Variants in CDH12 observed in about 807,000 individuals in gnomAD.
The protein encoded by CDH12 is cadherin-12.
CDH12 carries 41 observed loss-of-function variants against 74.1 expected under a neutral mutation model. The ratio of observed to expected loss-of-function variants is 0.55; its 90% CI spans 0.43 to 0.72. The LOEUF is 0.72. Ranked by LOEUF, CDH12 falls within the 30% of genes least tolerant of loss-of-function variation. The pLI is 0.00. For synonymous variants in CDH12, 399 were observed against 355.0 expected, an observed-to-expected ratio of 1.12 and a Z score of -1.39; for missense variants, 945 against 977.2, an observed-to-expected ratio of 0.97 and a Z score of 0.44.
intron 4 of CDH12, among the ~76,000 whole-genome samples, chr5:22,192,182 C>T (rs1293520938): frequency 6.6e-6 from 1 of 152,084 alleles, no homozygotes; most frequent in African/African-American, 2.4e-5. Flanking sequence ...GATCTGCCTG[C>T]CTCGGCTTCC....
At chr5:22,081,386 C>T (rs990487949) in intron 4 of CDH12, among the ~76,000 whole-genome samples, 1 of 152,046 alleles carries the variant, frequency 6.6e-6, no homozygotes, top group Admixed American at 6.6e-5. Flanking sequence ...CTAGGGTTAA[C>T]CTCCAAGGTG....
intron 4 of CDH12, among the ~76,000 whole-genome samples, chr5:22,128,689 G>T (rs1340399433): frequency 6.6e-6 from 1 of 152,024 alleles, no homozygotes; most frequent in Non-Finnish European, 1.5e-5. Flanking sequence ...TCACACTAAA[G>T]AATTTTTCCC....
chr5:21,951,144 A>G (rs935332695), intron 6 of CDH12, among the ~76,000 whole-genome samples: 1 of 152,150 alleles, frequency 6.6e-6, no homozygotes, highest in African/African-American at 2.4e-5. Flanking sequence ...AATATTTTAC[A>G]TTCCATTGCC....
intron 3 of CDH12, among the ~76,000 whole-genome samples, chr5:22,348,890 A>G (rs891846697): frequency 6.6e-6 from 1 of 152,198 alleles, no homozygotes; most frequent in African/African-American, 2.4e-5. Context: ...AGCCTGGCAT[A>G]TAGAGCAGGC....
At chr5:22,279,028 A>T (rs1222255033) in intron 3 of CDH12, among the ~76,000 whole-genome samples, 1 of 152,166 alleles carries the variant, frequency 6.6e-6, no homozygotes, top group Non-Finnish European at 1.5e-5. Flanking sequence ...CAGGCAAAAC[A>T]TACATATATA....
intron 5 of CDH12, among the ~76,000 whole-genome samples, chr5:22,035,400 A>T (rs1187260024): frequency 6.6e-6 from 1 of 152,066 alleles, no homozygotes; most frequent in Admixed American, 6.6e-5. Context: ...ATATATATAT[A>T]TATGCATGTC....
At chr5:22,307,778 C>T (rs923496568) in intron 3 of CDH12, among the ~76,000 whole-genome samples, 6 of 150,612 alleles carry the variant, frequency 4.0e-5, no homozygotes, top group African/African-American at 1.2e-4. Flanking sequence ...TAATATGGGT[C>T]ATTTTGGCAC....
chr5:22,695,494 C>G (rs1282914596), intron 1 of CDH12, among the ~76,000 whole-genome samples: 1 of 152,070 alleles, frequency 6.6e-6, no homozygotes, highest in Non-Finnish European at 1.5e-5. Flanking sequence ...TTCAACAAAC[C>G]TGACAAAAAC....
At chr5:22,482,950 G>A (rs1229517786) in intron 2 of CDH12, among the ~76,000 whole-genome samples, 1 of 152,092 alleles carries the variant, frequency 6.6e-6, no homozygotes, top group Non-Finnish European at 1.5e-5. Flanking sequence ...ACAATGCAAT[G>A]CTTCATTTGC....
intron 1 of CDH12, among the ~76,000 whole-genome samples, chr5:22,802,149 T>C (rs1180604274): frequency 7.0e-6 from 1 of 142,750 alleles, no homozygotes; most frequent in Non-Finnish European, 1.5e-5. Context: ...TGAGACGGAG[T>C]CTCCCTCTGT....
At chr5:22,356,379 A>G (rs911585824) in intron 3 of CDH12, among the ~76,000 whole-genome samples, 3 of 152,192 alleles carry the variant, frequency 2.0e-5, no homozygotes, top group African/African-American at 7.2e-5. Context: ...CCATGTTGTC[A>G]TTTGAAAATG....
chr5:21,888,736 A>T (rs1752759042), intron 6 of CDH12, among the ~76,000 whole-genome samples: 2 of 152,092 alleles, frequency 1.3e-5, no homozygotes, highest in South Asian at 4.1e-4. Context: ...TATACTATTT[A>T]TACTATATTG....
chr5:22,705,393 T>C (rs1287388906), intron 1 of CDH12, among the ~76,000 whole-genome samples: 1 of 151,934 alleles, frequency 6.6e-6, no homozygotes, highest in African/African-American at 2.4e-5. Context: ...CTCCTGATTC[T>C]TGAGATTTTG....
At chr5:22,137,265 C>T (rs1379639002) in intron 4 of CDH12, among the ~76,000 whole-genome samples, 1 of 151,988 alleles carries the variant, frequency 6.6e-6, no homozygotes. Context: ...TCTACATGGT[C>T]CCAGGTGTGT....
At chr5:22,048,117 C>G (rs1022026128) in intron 5 of CDH12, among the ~76,000 whole-genome samples, 3 of 152,142 alleles carry the variant, frequency 2.0e-5, no homozygotes, top group African/African-American at 4.8e-5. Flanking sequence ...ATTGGTCATG[C>G]ATTGGGTACA....
chr5:22,580,038 G>T (rs192168317), intron 1 of CDH12, among the ~76,000 whole-genome samples: 2 of 152,136 alleles, frequency 1.3e-5, no homozygotes, highest in East Asian at 3.9e-4. Flanking sequence ...AACATTTAAT[G>T]ATATCACCTT....
At chr5:22,473,545 T>TATA (rs1746052031) in intron 2 of CDH12, among the ~76,000 whole-genome samples, 3 of 152,110 alleles carry the variant, frequency 2.0e-5, no homozygotes, top group Non-Finnish European at 4.4e-5. Context: ...CCCTTATGAA[T>TATA]GATGATATAG....
At chr5:22,146,748 A>G (rs1220148427) in intron 4 of CDH12, among the ~76,000 whole-genome samples, 3 of 152,168 alleles carry the variant, frequency 2.0e-5, no homozygotes, top group Non-Finnish European at 4.4e-5. Context: ...ATAGATGAAG[A>G]AAAAATAAAT....
chr5:22,342,219 A>G (rs972751213), intron 3 of CDH12, among the ~76,000 whole-genome samples: 3 of 152,220 alleles, frequency 2.0e-5, no homozygotes, highest in Non-Finnish European at 4.4e-5. Flanking sequence ...CACACTGGGG[A>G]TAAGGGTTTC....
Sources: gnomAD v4.1 joint callset for allele counts (sites outside exome capture counted in the v4.1 genomes callset) on GRCh38, gnomAD v4.1.1 for gene constraint, MANE v1.5 for transcripts, NCBI Gene and HGNC (gene_info 2026-07-23, HGNC 2026-07-21) for gene names.